HS3ST2: variants seen among roughly 807,000 people sequenced by gnomAD.
HS3ST2 encodes heparan sulfate-glucosamine 3-sulfotransferase 2.
HS3ST2 carries 17 observed loss-of-function variants against 26.3 expected under a neutral mutation model. The observed-to-expected ratio is 0.65, with a 90% CI of 0.44 to 0.97. HS3ST2 has a LOEUF of 0.97. Ranked by LOEUF, HS3ST2 falls within the 50% of genes least tolerant of loss-of-function variation. The pLI is 0.00. For missense variants in HS3ST2, 402 were observed against 501.2 expected (o/e 0.80, Z 1.89); for synonymous variants, 237 against 219.2 (o/e 1.08, Z -0.72).
chr16:22,865,255 CA>C (rs1348320349), intron 1 of HS3ST2, among the ~76,000 whole-genome samples: 2 of 151,432 alleles, frequency 1.3e-5, no homozygotes, highest in Admixed American at 6.6e-5. Flanking sequence ...AAATAATGTC[CA>C]AAAAAAAGTC....
chr16:22,902,001 C>T (rs1902287473), intron 1 of HS3ST2, among the ~76,000 whole-genome samples: 1 of 152,176 alleles, frequency 6.6e-6, no homozygotes. Flanking sequence ...CACTACAGCC[C>T]AGCCCAGATC....
intron 1 of HS3ST2, among the ~76,000 whole-genome samples, chr16:22,827,072 A>G (rs1230107485): frequency 2.0e-5 from 3 of 152,122 alleles, no homozygotes; most frequent in African/African-American, 7.2e-5. Flanking sequence ...CTAGCAGAGA[A>G]GGCAATATTT....
At position 22,814,610 on chromosome 16, in the gene HS3ST2, C is replaced by T; in HGVS notation, c.-1C>T. 6.5e-7 allele frequency: 1 copy of T among 1,536,546 alleles called. No homozygotes were observed. Among genetic ancestry groups the T allele is most frequent in the Non-Finnish European group, 8.7e-7 (1 of 1,143,380 alleles). ...GACCCCCGGCGCGGGCCCATGGAGC[C>T]ATGGCCTATAGGGTCCTGGGCCGCG... On this transcript the variant is annotated 5_prime_UTR_variant, in exon 1 of 2. Coordinates refer to ENST00000261374, the MANE Select transcript of HS3ST2 (RefSeq NM_006043.2).
chr16:22,908,244 G>A (rs1001587112), intron 1 of HS3ST2, among the ~76,000 whole-genome samples: 3 of 152,128 alleles, frequency 2.0e-5, no homozygotes, highest in East Asian at 1.9e-4. Context: ...ATGAGTAAAT[G>A]GATTAGATAG....
chr16:22,866,369 CGTGTGTGTGTGTGTGT>C (rs55757233), intron 1 of HS3ST2, among the ~76,000 whole-genome samples: 3 of 143,744 alleles, frequency 2.1e-5, no homozygotes, highest in African/African-American at 5.2e-5. Flanking sequence ...ATATGGTGTG[CGTGTGTGTGTGTGTGT>C]GTGTGTGTGT....
chr16:22,845,667 C>T (rs1333111222), intron 1 of HS3ST2, among the ~76,000 whole-genome samples: 1 of 152,070 alleles, frequency 6.6e-6, no homozygotes, highest in Non-Finnish European at 1.5e-5. Context: ...GATATTTTAT[C>T]AATCATTTCT....
intron 1 of HS3ST2, among the ~76,000 whole-genome samples, chr16:22,859,060 A>T (rs1022298979): frequency 2.0e-5 from 3 of 152,084 alleles, no homozygotes; most frequent in African/African-American, 4.8e-5. Flanking sequence ...CAGCTACTTG[A>T]GGGGCTGAGG....
intron 1 of HS3ST2, among the ~76,000 whole-genome samples, chr16:22,876,047 A>G (rs1169905454): frequency 6.6e-6 from 1 of 152,190 alleles, no homozygotes; most frequent in East Asian, 1.9e-4. Context: ...AAAGTTGCCT[A>G]TTGTCACATT....
chr16:22,842,004 G>A (rs1388359285), intron 1 of HS3ST2, among the ~76,000 whole-genome samples: 1 of 147,510 alleles, frequency 6.8e-6, no homozygotes, highest in East Asian at 2.0e-4. Context: ...TTTTTCTCTG[G>A]TTGTTTTTCG....
At chr16:22,848,310 C>G (rs1480653457) in intron 1 of HS3ST2, among the ~76,000 whole-genome samples, 2 of 152,176 alleles carry the variant, frequency 1.3e-5, no homozygotes, top group Non-Finnish European at 2.9e-5. Context: ...ATCACAAGGA[C>G]TAAATGGAAT....
At chr16:22,857,004 T>C (rs186525950) in intron 1 of HS3ST2, among the ~76,000 whole-genome samples, 19 of 152,260 alleles carry the variant, frequency 1.2e-4, no homozygotes, top group Non-Finnish European at 5.9e-5. Context: ...TATAATATAT[T>C]CGAGGCACTA....
At chr16:22,913,959 A>G (rs936918787) in intron 1 of HS3ST2, among the ~76,000 whole-genome samples, 3 of 152,142 alleles carry the variant, frequency 2.0e-5, no homozygotes, top group Non-Finnish European at 4.4e-5. Flanking sequence ...CAACACAGTG[A>G]GACCCCATCT....
chr16:22,816,453 A>T (rs938383532), intron 1 of HS3ST2, among the ~76,000 whole-genome samples: 4 of 152,090 alleles, frequency 2.6e-5, no homozygotes, highest in African/African-American at 4.8e-5. Flanking sequence ...TTTGCAGGTT[A>T]CTCCTGGCTC....
chr16:22,861,649 T>G (rs1229144043), intron 1 of HS3ST2, among the ~76,000 whole-genome samples: 1 of 152,142 alleles, frequency 6.6e-6, no homozygotes, highest in Non-Finnish European at 1.5e-5. Context: ...AATCCAGAGC[T>G]GGGGAGGGAA....
At chr16:22,847,766 GAGAGAA>G (rs1167928541) in intron 1 of HS3ST2, among the ~76,000 whole-genome samples, 2 of 150,220 alleles carry the variant, frequency 1.3e-5, no homozygotes, top group African/African-American at 2.5e-5. Flanking sequence ...AAAGAATAGG[GAGAGAA>G]AGAGAAAGAG....
chr16:22,817,244 A>G (rs1427478066), intron 1 of HS3ST2, among the ~76,000 whole-genome samples: 3 of 151,560 alleles, frequency 2.0e-5, no homozygotes, highest in African/African-American at 7.3e-5. Context: ...ACCTTTCCCC[A>G]CTTTATATTT....
intron 1 of HS3ST2, among the ~76,000 whole-genome samples, chr16:22,913,775 A>G (rs531151637): frequency 6.6e-6 from 1 of 152,308 alleles, no homozygotes; most frequent in South Asian, 2.1e-4. Flanking sequence ...CCAAGGCAGG[A>G]GGATCACTTG....
intron 1 of HS3ST2, among the ~76,000 whole-genome samples, chr16:22,860,226 A>G (rs112446120): frequency 0.011 from 1,645 of 152,268 alleles, 28 homozygotes; most frequent in African/African-American, 0.038. Context: ...ATCTTGGTGG[A>G]AGACAAAGAG....
At position 22,814,717 on chromosome 16, in the gene HS3ST2, G is replaced by T; in HGVS notation, c.107G>T (p.Ser36Ile). Reference protein sequence around the residue: ...LSLSCTYLCYSFLCCCDDLGR... With the variant: ...LSLSCTYLCYIFLCCCDDLGR... ...CTCTCCTGCACTTACCTGTGTTACAGCTTCCTGTGCTGCTGCGACGACCTG... is the reference window on the plus strand; with the variant it reads ...CTCTCCTGCACTTACCTGTGTTACATCTTCCTGTGCTGCTGCGACGACCTG... Residue 36 changes from serine to isoleucine, a missense_variant, in exon 1 of 2, where the codon AGC becomes ATC. Ser to Ile is a moderately radical substitution (Grantham distance 142). Transcript: ENST00000261374. 1 of 1,609,296 alleles carries T rather than the reference G, an allele frequency of 6.2e-7. No individual in the cohort carries two copies. Among genetic ancestry groups the T allele is most frequent in the Non-Finnish European group, 8.5e-7 (1 of 1,178,572 alleles).
Sources: allele counts gnomAD v4.1 joint callset (sites outside exome capture counted in the v4.1 genomes callset), GRCh38; gene constraint gnomAD v4.1.1; transcripts MANE v1.5; gene names NCBI Gene and HGNC (gene_info 2026-07-23, HGNC 2026-07-21).